Variants in TMEM135 observed in about 807,000 individuals in gnomAD.
TMEM135 encodes peroxisomal membrane protein 52.
In TMEM135, 30 loss-of-function variants were observed where a neutral mutation model predicts 60.3. The ratio of observed to expected loss-of-function variants is 0.50; its 90% confidence interval spans 0.37 to 0.68. The LOEUF is 0.68. Ranked by LOEUF, TMEM135 falls within the 30% of genes least tolerant of loss-of-function variation. The pLI is 0.00. For missense variants in TMEM135, 468 were observed against 548.8 expected (o/e 0.85, Z 1.47); for synonymous variants, 190 against 186.7 (o/e 1.02, Z -0.14).
At chr11:87,295,654 C>A in intron 6 of TMEM135, 128 bp from the exon 7 acceptor site, 1 of 690,598 alleles carries the variant, frequency 1.4e-6, no homozygotes, top group Non-Finnish European at 2.5e-6. Flanking sequence ...CTCTTTTGAC[C>A]ATTCATAATG....
chr11:87,106,407 TGACA>T, intron 4 of TMEM135, among the ~76,000 whole-genome samples: 1 of 152,294 alleles, frequency 6.6e-6, no homozygotes, highest in South Asian at 2.1e-4. Context: ...CCCGGCTAAC[TGACA>T]GTATTTCAAG....
chr11:87,253,988 A>AT (rs1491211997), intron 6 of TMEM135, among the ~76,000 whole-genome samples: 3 of 152,040 alleles, frequency 2.0e-5, no homozygotes, highest in African/African-American at 7.2e-5. Context: ...TTAAAAAAAC[A>AT]TTTTTTCAAT....
In TMEM135 at chr11:87,103,489, T is replaced by G. The variant is rs11823599; in HGVS notation, c.396+12094T>G. Among the ~76,000 whole-genome samples, 141 of 88,410 alleles carry G rather than the reference T, an allele frequency of 1.6e-3. 1 individual carries two copies. Among genetic ancestry groups the G allele is most frequent in the African/African-American group, 6.6e-3 (132 of 19,924 alleles). The allele number at this position is 88,410 out of a possible 152,430, so 58.0% of individuals were successfully genotyped here. On this transcript the variant is annotated intron_variant, in intron 4 of 14. Coordinates refer to ENST00000305494, the MANE Select transcript of TMEM135 (RefSeq NM_022918.4). ...TTAGCCATGTTTTTTTTGTTTTTTT[T>G]TTTTGTTTGTTTTTTTGTTTTTGAG... is the stretch of plus-strand genomic sequence containing the variant.
chr11:87,040,635 C>G (rs1348236981), intron 1 of TMEM135, among the ~76,000 whole-genome samples: 1 of 147,822 alleles, frequency 6.8e-6, no homozygotes, highest in South Asian at 2.1e-4. Context: ...GCACTCCAGC[C>G]TGGGAAACAA....
intron 6 of TMEM135, among the ~76,000 whole-genome samples, chr11:87,273,488 A>G (rs1319483839): frequency 6.6e-6 from 1 of 152,056 alleles, no homozygotes; most frequent in Admixed American, 6.6e-5. Flanking sequence ...AGTCCATCAG[A>G]CTATGGTTAT....
rs373649196 is a variant in TMEM135, at chr11:87,214,538, AC to A, written c.463-22098del. 2.0e-3 allele frequency among the ~76,000 whole-genome samples: 303 copies of A among 150,974 alleles called. 6 individuals carry two copies. Among genetic ancestry groups the A allele is most frequent in the African/African-American group, 6.9e-3 (284 of 41,192 alleles). ...GAATTTCCTTTAAGGAAAACACCTT[AC>A]CTATGTAGACCAGACTCTGTAACAC... is the stretch of plus-strand genomic sequence containing the variant. On this transcript the variant is annotated intron_variant, in intron 5 of 14. Coordinates refer to ENST00000305494, the MANE Select transcript of TMEM135 (RefSeq NM_022918.4).
chr11:87,300,677 T>TA (rs1942429403), intron 7 of TMEM135, among the ~76,000 whole-genome samples: 1 of 152,216 alleles, frequency 6.6e-6, no homozygotes. Context: ...CAATATGTAT[T>TA]AAATATTTAC....
chr11:87,191,982 C>CT (rs767550753), intron 5 of TMEM135, among the ~76,000 whole-genome samples: 1,303 of 93,476 alleles, frequency 0.014, 55 homozygotes, highest in Non-Finnish European at 0.016. Context: ...CTTTTCTTTT[C>CT]TTTTCTTTTT....
chr11:87,072,352 G>T (rs902561731), intron 3 of TMEM135, among the ~76,000 whole-genome samples: 1 of 151,982 alleles, frequency 6.6e-6, no homozygotes, highest in South Asian at 2.1e-4. Flanking sequence ...TTGAGTAATT[G>T]ATCTCAAATC....
At chr11:87,263,197 G>A (rs992629030) in intron 6 of TMEM135, among the ~76,000 whole-genome samples, 3 of 152,162 alleles carry the variant, frequency 2.0e-5, no homozygotes, top group African/African-American at 4.8e-5. Flanking sequence ...AGCAATCAAT[G>A]TGCATATTAG....
intron 1 of TMEM135, among the ~76,000 whole-genome samples, chr11:87,064,621 G>A (rs1218052479): frequency 1.3e-5 from 2 of 152,164 alleles, no homozygotes; most frequent in Non-Finnish European, 2.9e-5. Flanking sequence ...GGTGGCTCAC[G>A]CCTGTAATCC....
intron 6 of TMEM135, among the ~76,000 whole-genome samples, chr11:87,252,644 G>T (rs1033579571): frequency 1.3e-5 from 2 of 151,936 alleles, no homozygotes. Context: ...TGGGGCACAT[G>T]CCTGTAATCC....
chr11:87,085,946 G>A (rs1279401263), intron 3 of TMEM135, among the ~76,000 whole-genome samples: 1 of 152,040 alleles, frequency 6.6e-6, no homozygotes, highest in Non-Finnish European at 1.5e-5. Context: ...ATAGAGTAAG[G>A]ATAATGGTAT....
At chr11:87,245,360 G>A (rs201930252) in intron 6 of TMEM135, among the ~76,000 whole-genome samples, 19,318 of 58,178 alleles carry the variant, frequency 0.33, 4,422 homozygotes, top group Middle Eastern at 0.45. Flanking sequence ...GTAGATGTCT[G>A]TTAGGTCCGC....
chr11:87,052,779 A>T (rs201404960), intron 1 of TMEM135, among the ~76,000 whole-genome samples: 138 of 95,692 alleles, frequency 1.4e-3, no homozygotes, highest in Non-Finnish European at 1.5e-3. Flanking sequence ...ATCTAGAACT[A>T]GAAATACCAT....
At chr11:87,250,453 G>C (rs764789110) in intron 6 of TMEM135, among the ~76,000 whole-genome samples, 14 of 151,864 alleles carry the variant, frequency 9.2e-5, no homozygotes, top group Non-Finnish European at 2.1e-4. Flanking sequence ...TGCTTTCACT[G>C]TATTTCATAG....
In TMEM135 at chr11:87,267,945, G is replaced by A. The variant is rs577666145; in HGVS notation, c.510-27837G>A. On this transcript the variant is annotated intron_variant, in intron 6 of 14. Coordinates refer to ENST00000305494, the MANE Select transcript of TMEM135 (RefSeq NM_022918.4). Reference sequence around the variant, plus strand: ...GACCTCAGGCAATCAGCCCACCTTGGCTTCCTAAAGTGTTGGGATTACAGG... The same window carrying A: ...GACCTCAGGCAATCAGCCCACCTTGACTTCCTAAAGTGTTGGGATTACAGG... Among the ~76,000 whole-genome samples the A allele has an allele frequency of 9.9e-5, 15 of 152,062 alleles. 1 individual carries two copies. In the South Asian group the frequency reaches 2.9e-3, roughly 29 times the overall value.
intron 5 of TMEM135, among the ~76,000 whole-genome samples, chr11:87,210,408 A>G (rs987417558): frequency 6.6e-6 from 1 of 152,188 alleles, no homozygotes; most frequent in Non-Finnish European, 1.5e-5. Context: ...AAACTAGGAA[A>G]CCTAGATGAA....
chr11:87,309,363 T>G lies in TMEM135; in HGVS notation c.769-142T>G, dbSNP rs182748985. The G allele has an allele frequency of 1.6e-4, 121 of 756,974 alleles. No individual in the cohort carries two copies. In the African/African-American group the frequency reaches 1.7e-3, roughly 11 times the overall value. The allele number at this position is 756,974 out of a possible 1,614,324, so 46.9% of individuals were successfully genotyped here. ...ATTGTTTTAAAATTATTGTTTGAGG[T>G]TTTAAGGCTTTATTTTGCTGTGCTA... On this transcript the variant is annotated intron_variant, in intron 9 of 14. Coordinates refer to ENST00000305494, the MANE Select transcript of TMEM135 (RefSeq NM_022918.4).
Sources: gnomAD v4.1 joint callset for allele counts (sites outside exome capture counted in the v4.1 genomes callset) on GRCh38, gnomAD v4.1.1 for gene constraint, MANE v1.5 for transcripts, NCBI Gene and HGNC (gene_info 2026-07-23, HGNC 2026-07-21) for gene names.